The following GRK7 variants were observed in gnomAD, a reference collection of about 807,000 sequenced individuals.
GRK7 encodes the protein G protein-coupled receptor kinase 7, also known as rhodopsin kinase GRK7.
In GRK7, 24 loss-of-function variants were observed where a neutral mutation model predicts 34.1. That is an observed-to-expected ratio of 0.70 (90% CI 0.51 to 0.99). GRK7 has a LOEUF of 0.99. GRK7 is among the 50% of genes least tolerant of loss of function. The pLI is 0.00. For missense variants in GRK7, 644 were observed against 707.3 expected, an observed-to-expected ratio of 0.91 and a Z score of 1.02; for synonymous variants, 256 against 279.4, an observed-to-expected ratio of 0.92 and a Z score of 0.84.
chr3:141,772,101 A>T (rs754006052), intron 1 of GRK7, among the ~76,000 whole-genome samples: 4 of 151,764 alleles, frequency 2.6e-5, no homozygotes, highest in East Asian at 3.9e-4. Flanking sequence ...TTAATTAATT[A>T]ATTTATTTTT....
intron 4 of GRK7, among the ~76,000 whole-genome samples, chr3:141,784,621 CACA>C (rs1189026629): frequency 1.3e-5 from 2 of 152,150 alleles, no homozygotes; most frequent in African/African-American, 4.8e-5. Context: ...TCATTATATT[CACA>C]ACATTTCACA....
intron 1 of GRK7, among the ~76,000 whole-genome samples, chr3:141,767,433 G>T (rs1025656646): frequency 6.7e-6 from 1 of 150,150 alleles, no homozygotes; most frequent in Non-Finnish European, 1.5e-5. Flanking sequence ...GGTCTCCTTC[G>T]CACTGTCACC....
chr3:141,789,588 A>G (rs1194446313), intron 4 of GRK7, among the ~76,000 whole-genome samples: 2 of 149,060 alleles, frequency 1.3e-5, no homozygotes, highest in African/African-American at 2.5e-5. Flanking sequence ...TCATGGATCG[A>G]GAGCAGAAGA....
chr3:141,766,499 C>T (rs1353012184), intron 1 of GRK7, among the ~76,000 whole-genome samples: 3 of 151,994 alleles, frequency 2.0e-5, no homozygotes, highest in Non-Finnish European at 2.9e-5. Flanking sequence ...TCTCCACTCT[C>T]GATTACTTTT....
intron 4 of GRK7, among the ~76,000 whole-genome samples, chr3:141,790,249 C>T (rs1370008186): frequency 6.6e-6 from 1 of 152,212 alleles, no homozygotes; most frequent in African/African-American, 2.4e-5. Flanking sequence ...CTGCATGCCT[C>T]GGCCTCCCAA....
rs2084649016 is a variant in GRK7 at position 141,778,082 on chromosome 3, C to T, written c.-113-90C>T. 1 of 603,688 alleles carries T rather than the reference C, an allele frequency of 1.7e-6. No individual in the cohort carries two copies. Among genetic ancestry groups the T allele is most frequent in the Non-Finnish European group, 2.8e-6 (1 of 360,492 alleles). The allele number at this position is 603,688 out of a possible 1,614,324, so 37.4% of individuals were successfully genotyped here. On this transcript the variant is annotated intron_variant, in intron 2 of 5. Coordinates refer to ENST00000682958, the MANE Select transcript of GRK7 (RefSeq NM_139209.3). The surrounding 1 kb of genome is among the most constrained non-coding windows in gnomAD (Gnocchi z 4.1). ...CTTGGCAGGTGGGAGCATGACCTAT[C>T]GTGTGCAGTTCCTGGCGGGCTATAC...
rs1203056962 is a variant in GRK7 at position 141,778,397 on chromosome 3, C to T, written c.113C>T (p.Ala38Val). ...KELQRRRRSL[A>V]LPGLQGCAEL... is the part of the protein sequence containing the mutation. The stretch of plus-strand genomic sequence containing the variant: ...CTGCAGCGGCGGCGGCGTAGCCTGG[C>T]CCTGCCCGGGCTGCAGGGCTGCGCG... Residue 38 changes from alanine to valine, a missense_variant, in exon 3 of 6, where the codon GCC (alanine) becomes GTC (valine). By Grantham distance (64) the Ala-to-Val change is moderately conservative. Coordinates refer to ENST00000682958, the MANE Select transcript of GRK7 (RefSeq NM_139209.3). The surrounding 1 kb of genome is among the most constrained non-coding windows in gnomAD (Gnocchi z 4.1). The T allele has an allele frequency of 5.6e-6, 9 of 1,612,382 alleles. No homozygotes were observed. Among genetic ancestry groups the T allele is most frequent in the Non-Finnish European group, 7.6e-6 (9 of 1,179,620 alleles).
chr3:141,767,563 G>A (rs2084595404), intron 1 of GRK7, among the ~76,000 whole-genome samples: 2 of 151,994 alleles, frequency 1.3e-5, no homozygotes, highest in Non-Finnish European at 2.9e-5. Flanking sequence ...ACCATGCCCA[G>A]ATTTTTTTTG....
rs759547557 is a variant in GRK7 at position 141,778,711 on chromosome 3, C to G, written c.427C>G (p.Arg143Gly). Reference sequence around the variant, plus strand: ...CCAAGCAGCCACCACTGAGGAAGAGCGAGTGGCTGCAGTGACGCTGGCCAA... The same window carrying G: ...CCAAGCAGCCACCACTGAGGAAGAGGGAGTGGCTGCAGTGACGCTGGCCAA... Reference protein sequence around the residue: ...KCQAATTEEERVAAVTLAKAE... With the variant: ...KCQAATTEEEGVAAVTLAKAE... Residue 143 changes from arginine (R) to glycine (G), a missense_variant, in exon 3 of 6, where the codon CGA becomes GGA. Arg to Gly is a moderately radical substitution (Grantham distance 125, BLOSUM62 -2). Transcript: ENST00000682958. The surrounding 1 kb of genome is among the most constrained non-coding windows in gnomAD (Gnocchi z 4.1). The G allele has an allele frequency of 1.2e-6, 2 of 1,612,770 alleles. No homozygotes were observed. The highest frequency in any genetic ancestry group is 1.7e-5 in the Admixed American group (1 of 59,776).
chr3:141,769,907 GT>G (rs994327501), intron 1 of GRK7, among the ~76,000 whole-genome samples: 1 of 151,936 alleles, frequency 6.6e-6, no homozygotes, highest in African/African-American at 2.4e-5. Flanking sequence ...AACCAACAAG[GT>G]TTTGTTTGTT....
chr3:141,809,432 T>A (rs1413216568), intron 5 of GRK7, among the ~76,000 whole-genome samples: 3 of 152,146 alleles, frequency 2.0e-5, no homozygotes, highest in Non-Finnish European at 4.4e-5. Flanking sequence ...GGCGCAGTGG[T>A]CATGCCTGTA....
Position 141,778,273 on chromosome 3 carries a change from C to A in GRK7, c.-12C>A, listed in dbSNP as rs369135654. 8.4e-6 allele frequency: 13 copies of A among 1,544,994 alleles called. No homozygotes were observed. The highest frequency in any genetic ancestry group is 1.4e-5 in the African/African-American group (1 of 72,976). On this transcript the variant is annotated 5_prime_UTR_variant, in exon 3 of 6. Coordinates refer to ENST00000682958, the MANE Select transcript of GRK7 (RefSeq NM_139209.3). The surrounding 1 kb of genome is among the most constrained non-coding windows in gnomAD (Gnocchi z 4.1). ...CTTGTGCTTTCCCTGGGAGTGCGCCCCGTGCTCAGCCATGGTGGACATGGG... is the reference window on the plus strand; with the variant it reads ...CTTGTGCTTTCCCTGGGAGTGCGCCACGTGCTCAGCCATGGTGGACATGGG...
In GRK7 at chr3:141,778,342, C is replaced by T. The variant is rs772660757; in HGVS notation, c.58C>T (p.Arg20Trp). ...CGCCAACACCGCCTACCTGCAGGCC[C>T]GGAAGCCCTCGGACTGCGACAGCAA... is the stretch of plus-strand genomic sequence containing the variant. ...LIANTAYLQA[R>W]KPSDCDSKEL... Residue 20 changes from arginine to tryptophan, a missense_variant, in exon 3 of 6, where the codon CGG becomes TGG. Coordinates refer to ENST00000682958, the MANE Select transcript of GRK7 (RefSeq NM_139209.3). The surrounding 1 kb of genome is among the most constrained non-coding windows in gnomAD (Gnocchi z 4.1). 13 of 1,606,596 alleles carry T rather than the reference C, an allele frequency of 8.1e-6. No individual in the cohort carries two copies. The South Asian group carries it at 9.9e-5, about 12-fold the overall frequency.
At chr3:141,785,730 C>T (rs1171087525) in intron 4 of GRK7, among the ~76,000 whole-genome samples, 5 of 151,228 alleles carry the variant, frequency 3.3e-5, no homozygotes, top group Non-Finnish European at 5.9e-5. Context: ...TACCACTGCA[C>T]TCCAGCCTGG....
At chr3:141,760,320 G>T (rs2084549709), upstream of GRK7, among the ~76,000 whole-genome samples, 1 of 129,192 alleles carries the variant, frequency 7.7e-6, no homozygotes, top group Admixed American at 8.1e-5. Flanking sequence ...TTGTGTCTTT[G>T]TTCTCGTTGG....
intron 4 of GRK7, among the ~76,000 whole-genome samples, chr3:141,794,324 G>C (rs533351226): frequency 1.3e-5 from 2 of 152,382 alleles, no homozygotes; most frequent in East Asian, 3.9e-4. Context: ...AGCAGCTGGA[G>C]GGTGGGGGCC....
intron 4 of GRK7, among the ~76,000 whole-genome samples, chr3:141,786,649 G>A (rs1176591681): frequency 2.6e-5 from 4 of 151,860 alleles, no homozygotes; most frequent in African/African-American, 4.8e-5. Flanking sequence ...ATGATGGCAC[G>A]TGCCTGTAGT....
In GRK7 at chr3:141,764,885, G is replaced by A. The variant is rs75941541; in HGVS notation, c.-1068G>A. Among the ~76,000 whole-genome samples, 9,851 of 152,108 alleles carry A rather than the reference G, an allele frequency of 0.065. 321 individuals carry two copies. Among genetic ancestry groups the A allele is most frequent in the South Asian group, 0.11 (545 of 4,820 alleles). On this transcript the variant is annotated 5_prime_UTR_variant, in exon 1 of 6. Coordinates refer to ENST00000682958, the MANE Select transcript of GRK7 (RefSeq NM_139209.3). ...TCCAGTTACTCAGGCCCAAAACCTT[G>A]GAATCACCCTTGCTCCTTTTCTGTC...
At chr3:141,759,470 G>T (rs201100598), upstream of GRK7, among the ~76,000 whole-genome samples, 33 of 139,588 alleles carry the variant, frequency 2.4e-4, no homozygotes, top group Middle Eastern at 7.0e-3. Context: ...ATTGATTTGC[G>T]TATATTGAAC....
Sources: allele counts gnomAD v4.1 joint callset (sites outside exome capture counted in the v4.1 genomes callset), GRCh38; gene constraint gnomAD v4.1.1; non-coding constraint Gnocchi (gnomAD v3.1); transcripts MANE v1.5; gene names NCBI Gene and HGNC (gene_info 2026-07-23, HGNC 2026-07-21).